The following ICMT variants were observed in gnomAD, a reference collection of about 807,000 sequenced individuals.
The protein encoded by ICMT is isoprenylcysteine carboxyl methyltransferase.
A neutral mutation model predicts 32.2 loss-of-function variants in ICMT; 10 were observed. The ratio of observed to expected loss-of-function variants is 0.31; its 90% CI spans 0.19 to 0.53. ICMT has a LOEUF of 0.53. Ranked by LOEUF, ICMT falls within the 20% of genes least tolerant of loss-of-function variation. The pLI is 0.96. For synonymous variants in ICMT, 183 were observed against 158.2 expected (o/e 1.16, Z -1.18); for missense variants, 265 against 356.9 (o/e 0.74, Z 2.07).
rs575853656 is a variant in ICMT, at chr1:6,235,680, G to A, written c.195+37C>T. On this transcript the variant is annotated intron_variant, in intron 1 of 4. Coordinates refer to ENST00000343813, the MANE Select transcript of ICMT (RefSeq NM_012405.4). ...CGCCGCGCCAAGCGGACCGCCGCCC[G>A]CCCCGCCGGCCCCCGCCGGCCCCCG... 1.8e-4 allele frequency: 209 copies of A among 1,146,710 alleles called. No individual in the cohort carries two copies. The African/African-American group carries it at 3.2e-3, about 17-fold the overall frequency. 71.0% of individuals were successfully genotyped at this position (1,146,710 alleles called of 1,614,324 possible).
chr1:6,231,858 TA>T (rs59840043), intron 4 of ICMT, 43 bp downstream of exon 4: 133,448 of 948,032 alleles, frequency 0.14, 1 homozygote, highest in South Asian at 0.16. Flanking sequence ...AAATGTTACT[TA>T]AAAAAAAAAA....
At chr1:6,235,561 C>T (rs1038446297) in intron 1 of ICMT, among the ~76,000 whole-genome samples, 156 bp downstream of exon 1, 3 of 152,092 alleles carry the variant, frequency 2.0e-5, no homozygotes, top group African/African-American at 7.2e-5. Flanking sequence ...CGCCCGAGCC[C>T]GGAGAGAGAG....
chr1:6,232,209 G>A (rs932605316), intron 3 of ICMT, 90 bp from the exon 4 acceptor site: 6 of 913,572 alleles, frequency 6.6e-6, no homozygotes, highest in African/African-American at 1.7e-5. Flanking sequence ...CTATTTTCCC[G>A]AAGACAGAAA....
rs539896191 is a variant in ICMT, at chr1:6,231,467, G to C, written c.672+435C>G. 2.0e-5 allele frequency among the ~76,000 whole-genome samples: 3 copies of C among 151,882 alleles called. No homozygotes were observed. The East Asian group carries it at 5.8e-4, about 29-fold the overall frequency. On this transcript the variant is annotated intron_variant, in intron 4 of 4. Coordinates refer to ENST00000343813, the MANE Select transcript of ICMT (RefSeq NM_012405.4). The stretch of plus-strand genomic sequence containing the variant: ...CATGCCTATAATGCTAGCACTTTGC[G>C]AGGCTGAGGTGGGAGGATCACTTAA...
Position 6,224,999 on chromosome 1 carries a change from T to G in ICMT, c.*81A>C. 1 of 1,188,290 alleles carries G rather than the reference T, an allele frequency of 8.4e-7. No individual in the cohort carries two copies. The highest frequency in any genetic ancestry group is 1.4e-5 in the South Asian group (1 of 69,222). 73.6% of individuals were successfully genotyped at this position (1,188,290 alleles called of 1,614,324 possible). A position where few individuals can be genotyped will look rare whatever the true frequency, so the allele number is the denominator to read the frequency against. On this transcript the variant is annotated 3_prime_UTR_variant, in exon 5 of 5. Coordinates refer to ENST00000343813, the MANE Select transcript of ICMT (RefSeq NM_012405.4). ...GACATAAAACGATTAAGAAAATCCATGTGGCAGCGGCCAACCGGAAACAGT... is the reference window on the plus strand; with the variant it reads ...GACATAAAACGATTAAGAAAATCCAGGTGGCAGCGGCCAACCGGAAACAGT...
At chr1:6,225,713 C>T (rs567928721) in intron 4 of ICMT, among the ~76,000 whole-genome samples, 7 of 152,104 alleles carry the variant, frequency 4.6e-5, no homozygotes, top group Non-Finnish European at 8.8e-5. Flanking sequence ...ACTCAGCTTC[C>T]GAAATGCCCC....
chr1:6,225,459 C>T (rs1668631255), intron 4 of ICMT, among the ~76,000 whole-genome samples, 197 bp from the exon 5 acceptor site: 1 of 152,180 alleles, frequency 6.6e-6, no homozygotes, highest in Admixed American at 6.5e-5. Flanking sequence ...TTTCCTGTTG[C>T]TCCTCTTACA....
intron 4 of ICMT, among the ~76,000 whole-genome samples, chr1:6,225,998 G>A (rs1446472446): frequency 6.6e-6 from 1 of 152,062 alleles, no homozygotes; most frequent in Non-Finnish European, 1.5e-5. Flanking sequence ...GGGACTAAGG[G>A]CACATGCCAC....
intron 1 of ICMT, 76 bp from the exon 2 acceptor site, chr1:6,235,050 TAGGCAACCCAC>T: frequency 8.5e-7 from 1 of 1,180,032 alleles, no homozygotes; most frequent in Non-Finnish European, 1.3e-6. Context: ...CTTCCCGGAA[TAGGCAACCCAC>T]AGGCAAGCAG....
intron 4 of ICMT, among the ~76,000 whole-genome samples, chr1:6,228,889 G>A (rs879681114): frequency 6.6e-6 from 1 of 151,778 alleles, no homozygotes; most frequent in African/African-American, 2.4e-5. Context: ...AAAATTAGCT[G>A]GGCGAGGTAG....
intron 4 of ICMT, among the ~76,000 whole-genome samples, chr1:6,229,315 C>G (rs1209039290): frequency 6.6e-6 from 1 of 151,776 alleles, no homozygotes; most frequent in Non-Finnish European, 1.5e-5. Flanking sequence ...CCCGTCTCTA[C>G]TAAAAATACA....
At chr1:6,226,333 T>G (rs1353912250) in intron 4 of ICMT, among the ~76,000 whole-genome samples, 1 of 151,930 alleles carries the variant, frequency 6.6e-6, no homozygotes, top group African/African-American at 2.4e-5. Context: ...GAGGCAGAGG[T>G]TGCAGTGAGC....
intron 4 of ICMT, among the ~76,000 whole-genome samples, chr1:6,231,683 G>A (rs1019514812): frequency 2.6e-5 from 4 of 152,086 alleles, no homozygotes; most frequent in African/African-American, 9.7e-5. Context: ...AAGCATTAAG[G>A]ACTACATTAG....
chr1:6,228,384 C>T (rs1481741232), intron 4 of ICMT, among the ~76,000 whole-genome samples: 3 of 151,460 alleles, frequency 2.0e-5, no homozygotes, highest in Non-Finnish European at 4.4e-5. Flanking sequence ...GCTCTGTCGC[C>T]CAGGCTGGAG....
At chr1:6,226,373 G>A (rs990536329) in intron 4 of ICMT, among the ~76,000 whole-genome samples, 10 of 152,014 alleles carry the variant, frequency 6.6e-5, no homozygotes, top group South Asian at 4.2e-4. Flanking sequence ...CAGCCTGGGC[G>A]ACAGAGCGAA....
Position 6,222,557 on chromosome 1 carries a change from ACGT to A in ICMT, c.*2520_*2522del, listed in dbSNP as rs1668572532. The A allele has an allele frequency of 6.6e-6, 1 of 152,382 alleles. No homozygotes were observed. The highest frequency in any genetic ancestry group is 2.4e-5 in the African/African-American group (1 of 41,574). 9.4% of individuals were successfully genotyped at this position (152,382 alleles called of 1,614,324 possible). A position where few individuals can be genotyped will look rare whatever the true frequency, so the allele number is the denominator to read the frequency against. On this transcript the variant is annotated 3_prime_UTR_variant, in exon 5 of 5. Coordinates refer to ENST00000343813, the MANE Select transcript of ICMT (RefSeq NM_012405.4). Reference sequence around the variant, plus strand: ...CTGGAATTCCTCTCCAAAGCAGAGTACGTCAAGTTTTCCCTGGTGTCAGACAGC... The same window carrying A: ...CTGGAATTCCTCTCCAAAGCAGAGTACAAGTTTTCCCTGGTGTCAGACAGC...
chr1:6,235,417 C>G (rs1668806932), intron 1 of ICMT, among the ~76,000 whole-genome samples: 1 of 152,172 alleles, frequency 6.6e-6, no homozygotes. Flanking sequence ...GGCCTTTGAC[C>G]TGAGACAGGG....
At chr1:6,225,724 T>C (rs1028179221) in intron 4 of ICMT, among the ~76,000 whole-genome samples, 1 of 152,112 alleles carries the variant, frequency 6.6e-6, no homozygotes, top group Admixed American at 6.6e-5. Flanking sequence ...GAAATGCCCC[T>C]TCCAGCAGAT....
At chr1:6,234,028 T>C (rs1668776853) in intron 2 of ICMT, among the ~76,000 whole-genome samples, 1 of 152,204 alleles carries the variant, frequency 6.6e-6, no homozygotes, top group Non-Finnish European at 1.5e-5. Flanking sequence ...TTTGTATTTT[T>C]AGTAGAGACA....
Sources: allele counts gnomAD v4.1 joint callset (sites outside exome capture counted in the v4.1 genomes callset), GRCh38; gene constraint gnomAD v4.1.1; transcripts MANE v1.5; gene names NCBI Gene and HGNC (gene_info 2026-07-23, HGNC 2026-07-21).